The following RBFOX1 variants were observed in gnomAD, a reference collection of about 807,000 sequenced individuals.
RBFOX1 encodes the protein RNA binding fox-1 homolog 1.
In RBFOX1, 8 loss-of-function variants were observed where a neutral mutation model predicts 57.7. The observed-to-expected ratio is 0.14, with a 90% CI of 0.08 to 0.25. The LOEUF (loss-of-function observed/expected upper bound fraction) is 0.25. Ranked by LOEUF, RBFOX1 falls within the 10% of genes least tolerant of loss-of-function variation. The pLI is 1.00. For synonymous variants in RBFOX1, 326 were observed against 222.4 expected (o/e 1.47, Z -4.15); for missense variants, 611 against 548.5 (o/e 1.11, Z -1.14).
intron 1 of RBFOX1, among the ~76,000 whole-genome samples, chr16:6,209,851 A>G (rs2110603): frequency 0.6 from 90,757 of 152,168 alleles, 27,368 homozygotes; most frequent in African/African-American, 0.65. Flanking sequence ...GAAACATGGT[A>G]TGAAGGTCTA....
chr16:6,879,265 A>G (rs1007941223), intron 3 of RBFOX1, among the ~76,000 whole-genome samples: 4 of 152,188 alleles, frequency 2.6e-5, no homozygotes, highest in Non-Finnish European at 5.9e-5. Context: ...GAATTTATTT[A>G]TCAGCCAGTT....
chr16:7,261,750 T>C (rs2094927747), intron 4 of RBFOX1, among the ~76,000 whole-genome samples: 1 of 152,146 alleles, frequency 6.6e-6, no homozygotes, highest in African/African-American at 2.4e-5. Flanking sequence ...GATAGGATGG[T>C]GAGGACAACA....
intron 3 of RBFOX1, among the ~76,000 whole-genome samples, chr16:5,844,545 A>G (rs11865862): frequency 0.025 from 3,791 of 152,304 alleles, 137 homozygotes; most frequent in African/African-American, 0.074. Flanking sequence ...TCTAGTGGCA[A>G]AGATTCCTTC....
intron 3 of RBFOX1, among the ~76,000 whole-genome samples, chr16:6,903,230 A>G (rs2068912041): frequency 6.6e-6 from 1 of 152,160 alleles, no homozygotes; most frequent in Admixed American, 6.5e-5. Flanking sequence ...AGCATTGCAC[A>G]AGCTATTTAG....
chr16:6,879,602 C>T (rs1439504718), intron 3 of RBFOX1, among the ~76,000 whole-genome samples: 3 of 152,186 alleles, frequency 2.0e-5, no homozygotes, highest in Non-Finnish European at 4.4e-5. Flanking sequence ...CAGTATCATC[C>T]ACTAAACATC....
intron 2 of RBFOX1, among the ~76,000 whole-genome samples, chr16:6,449,406 G>T (rs1214082751): frequency 6.6e-6 from 1 of 152,186 alleles, no homozygotes; most frequent in Non-Finnish European, 1.5e-5. Flanking sequence ...GAACATTCCA[G>T]GCTGTGAGTT....
chr16:7,046,953 C>T (rs1040179253), intron 3 of RBFOX1, among the ~76,000 whole-genome samples: 1 of 151,194 alleles, frequency 6.6e-6, no homozygotes, highest in African/African-American at 2.4e-5. Context: ...TTAAAAAGCT[C>T]TTCATGCACT....
chr16:6,986,644 C>T (rs1243560723), intron 3 of RBFOX1, among the ~76,000 whole-genome samples: 2 of 152,176 alleles, frequency 1.3e-5, no homozygotes, highest in African/African-American at 4.8e-5. Flanking sequence ...TGCTCATCCT[C>T]TGTCTCCCTC....
rs901508219 is a variant in RBFOX1, at chr16:7,262,354, T to C, written c.27+210256T>C. Among the ~76,000 whole-genome samples the C allele has an allele frequency of 4.6e-5, 7 of 152,336 alleles. No individual in the cohort carries two copies. The East Asian group carries it at 1.2e-3, about 25-fold the overall frequency. ...TAATGGGAAAACCAATCATGTACTT[T>C]TTTGAAAGTTTCACTTTGTTTTCCT... On this transcript the variant is annotated intron_variant, in intron 4 of 15. Coordinates refer to ENST00000550418, the MANE Select transcript of RBFOX1 (RefSeq NM_018723.4).
intron 4 of RBFOX1, among the ~76,000 whole-genome samples, chr16:7,194,990 C>T (rs11077145): frequency 0.59 from 88,326 of 150,000 alleles, 26,093 homozygotes; most frequent in Middle Eastern, 0.65. Flanking sequence ...AATATTTTAT[C>T]GAGGTTAATA....
At chr16:7,044,038 G>A (rs2047065546) in intron 3 of RBFOX1, among the ~76,000 whole-genome samples, 2 of 152,126 alleles carry the variant, frequency 1.3e-5, no homozygotes, top group African/African-American at 4.8e-5. Flanking sequence ...AATGTTCTCT[G>A]TATTGTAATT....
At chr16:6,682,220 CG>C (rs1159456841) in intron 3 of RBFOX1, among the ~76,000 whole-genome samples, 1 of 152,152 alleles carries the variant, frequency 6.6e-6, no homozygotes, top group Non-Finnish European at 1.5e-5. Flanking sequence ...CAACGAACAA[CG>C]CAACAGAGTC....
intron 3 of RBFOX1, among the ~76,000 whole-genome samples, chr16:5,618,145 C>T (rs190133190): frequency 1.3e-5 from 2 of 152,250 alleles, no homozygotes; most frequent in South Asian, 2.1e-4. Flanking sequence ...TCCCACTGCC[C>T]GTCCACCAAC....
chr16:7,361,580 C>G (rs975404124), intron 4 of RBFOX1, among the ~76,000 whole-genome samples: 1 of 152,136 alleles, frequency 6.6e-6, no homozygotes, highest in Non-Finnish European at 1.5e-5. Context: ...TGTAGCTGTT[C>G]CCGGCCTTGT....
chr16:6,017,652 C>T (rs890035823), upstream of RBFOX1, among the ~76,000 whole-genome samples: 1 of 152,160 alleles, frequency 6.6e-6, no homozygotes, highest in Non-Finnish European at 1.5e-5. Context: ...TGCAAACTTA[C>T]TTTTTCAAAT....
At chr16:5,762,800 G>A (rs1339464103) in intron 3 of RBFOX1, among the ~76,000 whole-genome samples, 4 of 152,254 alleles carry the variant, frequency 2.6e-5, no homozygotes, top group South Asian at 4.1e-4. Flanking sequence ...ACATAGGTCT[G>A]GGAAGATATT....
intron 2 of RBFOX1, among the ~76,000 whole-genome samples, chr16:6,588,229 C>CG (rs2097658595): frequency 1.4e-5 from 2 of 145,512 alleles, no homozygotes; most frequent in Non-Finnish European, 3.0e-5. Context: ...GACTGTGTCT[C>CG]GGGAAAAAAA....
chr16:6,068,686 A>C (rs2095797922), intron 1 of RBFOX1, among the ~76,000 whole-genome samples: 1 of 152,208 alleles, frequency 6.6e-6, no homozygotes, highest in Non-Finnish European at 1.5e-5. Context: ...GGTCTTCAGG[A>C]CTCAGATCTT....
At chr16:7,338,323 G>A (rs563513816) in intron 4 of RBFOX1, among the ~76,000 whole-genome samples, 2 of 152,020 alleles carry the variant, frequency 1.3e-5, no homozygotes. Flanking sequence ...GCTAGACAGT[G>A]GCAGAAAAAT....
Sources: allele counts gnomAD v4.1 joint callset (sites outside exome capture counted in the v4.1 genomes callset), GRCh38; gene constraint gnomAD v4.1.1; transcripts MANE v1.5; gene names NCBI Gene and HGNC (gene_info 2026-07-23, HGNC 2026-07-21).